Variants in SEMA3D observed in about 807,000 individuals in gnomAD.
The protein encoded by SEMA3D is semaphorin-3D.
Under a neutral mutation model 100.1 loss-of-function variants are expected in SEMA3D, and 84 were observed. That is an observed-to-expected ratio of 0.84 (90% CI 0.70 to 1.01). The LOEUF is 1.01. SEMA3D is among the 50% of genes least tolerant of loss of function. SEMA3D has a pLI of 0.00. For synonymous variants in SEMA3D, 312 were observed against 320.7 expected (o/e 0.97, Z 0.29); for missense variants, 875 against 934.1 (o/e 0.94, Z 0.82).
the SEMA3D span, among the ~76,000 whole-genome samples, chr7:85,216,085 T>C: frequency 6.6e-6 from 1 of 152,108 alleles, no homozygotes; most frequent in African/African-American, 2.4e-5. Flanking sequence ...AATATTATCA[T>C]TGATTTCATC....
chr7:85,028,914 A>G (rs376187226), intron 12 of SEMA3D: 12 of 259,148 alleles, frequency 4.6e-5, no homozygotes, highest in African/African-American at 2.5e-4. Flanking sequence ...GAATGAGAGC[A>G]TCAACCCTCA....
At chr7:85,111,131 T>G (rs970623067) in intron 3 of SEMA3D, among the ~76,000 whole-genome samples, 2 of 152,054 alleles carry the variant, frequency 1.3e-5, no homozygotes, top group Admixed American at 6.6e-5. Flanking sequence ...AATTCTTCCT[T>G]TCTCTGATCT....
chr7:85,181,561 G>A (rs994802528), intron 1 of SEMA3D, among the ~76,000 whole-genome samples: 2 of 152,130 alleles, frequency 1.3e-5, no homozygotes, highest in African/African-American at 4.8e-5. Context: ...GGGAGGAAAA[G>A]ACAATTCTTC....
rs542314778 is a variant in SEMA3D at position 85,143,793 on chromosome 7, C to G, written c.-41+9815G>C. On this transcript the variant is annotated intron_variant, in intron 2 of 18. Coordinates refer to ENST00000284136, the MANE Select transcript of SEMA3D (RefSeq NM_001384900.1). ...CTGTAGTGCAGTAGCATGGTCTTGG[C>G]TCACTGCAATCTCTGCCTCCTGGGT... 7.3e-5 allele frequency among the ~76,000 whole-genome samples: 11 copies of G among 151,008 alleles called. No homozygotes were observed. The East Asian group carries it at 2.0e-3, about 27-fold the overall frequency.
intron 1 of SEMA3D, among the ~76,000 whole-genome samples, chr7:85,162,911 A>G (rs1419229868): frequency 6.6e-6 from 1 of 152,148 alleles, no homozygotes; most frequent in African/African-American, 2.4e-5. Flanking sequence ...TAAAATGTTC[A>G]GACTCCTTGG....
chr7:85,015,336 T>A, intron 15 of SEMA3D, 120 bp from the exon 16 acceptor site: 1 of 828,962 alleles, frequency 1.2e-6, no homozygotes. Flanking sequence ...CTGCCCATTG[T>A]AAACACTTGT....
rs577841082 is a variant in SEMA3D, at chr7:84,999,708, A to G, written c.2066T>C (p.Met689Thr). The G allele has an allele frequency of 5.6e-6, 9 of 1,613,980 alleles. No individual in the cohort carries two copies. In the East Asian group the frequency reaches 6.7e-5, roughly 12 times the overall value. The change falls in exon 19 of 19, where the codon ATG (methionine) becomes ACG (threonine). Residue 689 changes from methionine (M) to threonine (T), a missense_variant. Met to Thr is a moderately conservative substitution (Grantham distance 81, BLOSUM62 -1). Transcript: ENST00000284136. ...LTLNVIENEQMENTQRAEHEE... is the reference protein window; with the variant it reads ...LTLNVIENEQTENTQRAEHEE... ...ATGCTCTGCCCTCTGGGTATTTTCC[A>G]TCTGTTCATTCTCAATGACATTCAA... is the stretch of plus-strand genomic sequence containing the variant.
intron 17 of SEMA3D, among the ~76,000 whole-genome samples, chr7:85,012,142 G>A (rs1488112943): frequency 6.6e-6 from 1 of 151,594 alleles, no homozygotes; most frequent in Non-Finnish European, 1.5e-5. Flanking sequence ...CTTCTATTCT[G>A]TGATTAATTT....
intron 17 of SEMA3D, among the ~76,000 whole-genome samples, chr7:85,007,693 G>A (rs1178834077): frequency 6.6e-6 from 1 of 151,622 alleles, no homozygotes; most frequent in African/African-American, 2.4e-5. Flanking sequence ...TGATCTAAGA[G>A]CTCTAGCTCA....
rs201123647 is a variant in SEMA3D, at chr7:85,066,913, C to CAGAGAGAGAGAG, written c.589+1266_589+1277dup. On this transcript the variant is annotated intron_variant, in intron 7 of 18. Coordinates refer to ENST00000284136, the MANE Select transcript of SEMA3D (RefSeq NM_001384900.1). Reference sequence around the variant, plus strand: ...GCGCTCACACACACACACACACACACAGAGAGAGAGAGAGAGAGAGAGAGA... The same window carrying CAGAGAGAGAGAG: ...GCGCTCACACACACACACACACACACAGAGAGAGAGAGAGAGAGAGAGAGAGAGAGAGAGAGA... 9.8e-4 allele frequency among the ~76,000 whole-genome samples: 125 copies of CAGAGAGAGAGAG among 127,818 alleles called. No homozygotes were observed. The Middle Eastern group carries it at 0.011, about 12-fold the overall frequency. 83.9% of individuals were successfully genotyped at this position (127,818 alleles called of 152,430 possible). A position where few individuals can be genotyped will look rare whatever the true frequency, so the allele number is the denominator to read the frequency against.
chr7:85,011,182 T>G (rs370642744), intron 17 of SEMA3D, among the ~76,000 whole-genome samples: 34 of 151,832 alleles, frequency 2.2e-4, no homozygotes, highest in African/African-American at 7.7e-4. Flanking sequence ...AATCAACTTA[T>G]ATGAGGCCAC....
chr7:85,089,179 C>A (rs1788306418), intron 4 of SEMA3D, among the ~76,000 whole-genome samples: 1 of 152,110 alleles, frequency 6.6e-6, no homozygotes, highest in African/African-American at 2.4e-5. Context: ...CAAGTTAATA[C>A]TCATTTGAAA....
rs371494852 is a variant in SEMA3D at position 85,018,235 on chromosome 7, C to A, written c.1545+17G>T. ...ATTGCTTTTGTGATTAACTTTCATACAAAAGTTAAAAAGTACCTGCTTCAG... is the reference window on the plus strand; with the variant it reads ...ATTGCTTTTGTGATTAACTTTCATAAAAAAGTTAAAAAGTACCTGCTTCAG... On this transcript the variant is annotated intron_variant, in intron 15 of 18. Transcript: ENST00000284136. The A allele has an allele frequency of 6.5e-7, 1 of 1,539,538 alleles. No individual in the cohort carries two copies. The highest frequency in any genetic ancestry group is 9.0e-7 in the Non-Finnish European group (1 of 1,114,546).
intron 2 of SEMA3D, among the ~76,000 whole-genome samples, chr7:85,132,414 T>C (rs1374810098): frequency 2.0e-5 from 3 of 152,008 alleles, no homozygotes; most frequent in East Asian, 1.9e-4. Context: ...CCATTTCAGA[T>C]CTTGAACATG....
intron 2 of SEMA3D, among the ~76,000 whole-genome samples, chr7:85,127,847 C>A (rs114941178): frequency 6.6e-6 from 1 of 152,066 alleles, no homozygotes; most frequent in African/African-American, 2.4e-5. Flanking sequence ...AATTCTTATA[C>A]CCTCGGGAGC....
the SEMA3D span, among the ~76,000 whole-genome samples, chr7:85,212,151 G>A: frequency 1.4e-4 from 22 of 152,154 alleles, no homozygotes; most frequent in African/African-American, 5.3e-4. Context: ...TAGTACAAAT[G>A]GTATAGGGGA....
At chr7:85,051,773 C>T (rs1294820474) in intron 9 of SEMA3D, among the ~76,000 whole-genome samples, 1 of 151,922 alleles carries the variant, frequency 6.6e-6, no homozygotes, top group Non-Finnish European at 1.5e-5. Context: ...TTTACCATCT[C>T]ATATCAAAAT....
chr7:85,121,956 A>C (rs77652661), intron 2 of SEMA3D, 25 bp from the exon 3 acceptor site: 2 of 1,131,932 alleles, frequency 1.8e-6, no homozygotes, highest in Non-Finnish European at 1.2e-6. Flanking sequence ...AAAAAAAAAA[A>C]CTATTAAGGT....
the SEMA3D span, among the ~76,000 whole-genome samples, chr7:85,214,215 C>A: frequency 6.6e-6 from 1 of 152,116 alleles, no homozygotes. Context: ...GGGATCCACT[C>A]TTTAGAGTGA....
Sources: allele counts gnomAD v4.1 joint callset (sites outside exome capture counted in the v4.1 genomes callset), GRCh38; gene constraint gnomAD v4.1.1; transcripts MANE v1.5; gene names NCBI Gene and HGNC (gene_info 2026-07-23, HGNC 2026-07-21).